Variants in CFAP61 observed in about 807,000 individuals in gnomAD.
CFAP61 encodes cilia and flagella associated protein 61, also known as cilia- and flagella-associated protein 61.
A neutral mutation model predicts 135.6 loss-of-function variants in CFAP61; 107 were observed. The ratio of observed to expected loss-of-function variants is 0.79; its 90% CI spans 0.67 to 0.93. The LOEUF (loss-of-function observed/expected upper bound fraction) is 0.93. Among genes scored for constraint, CFAP61 ranks in the 40% least tolerant of loss-of-function variants. The pLI is 0.00. For missense variants in CFAP61, 1,507 were observed against 1,556.2 expected (o/e 0.97, Z 0.53); for synonymous variants, 575 against 578.5 (o/e 0.99, Z 0.09).
chr20:20,152,316 A>C (rs559451585), intron 9 of CFAP61, among the ~76,000 whole-genome samples: 12 of 152,164 alleles, frequency 7.9e-5, no homozygotes, highest in Non-Finnish European at 1.6e-4. Flanking sequence ...GAAAAAAAAA[A>C]CACCAAAGTA....
At chr20:20,334,443 A>G (rs2058103674) in intron 25 of CFAP61, among the ~76,000 whole-genome samples, 1 of 152,212 alleles carries the variant, frequency 6.6e-6, no homozygotes, top group Non-Finnish European at 1.5e-5. Context: ...TTAGCCTCTG[A>G]ATTCCCAGGT....
intron 17 of CFAP61, among the ~76,000 whole-genome samples, chr20:20,217,500 T>C (rs2048114177): frequency 6.6e-6 from 1 of 152,202 alleles, no homozygotes; most frequent in South Asian, 2.1e-4. Context: ...GGTGGCAAGA[T>C]AGCAAGATTG....
chr20:20,248,030 C>T (rs2050603589), intron 19 of CFAP61, among the ~76,000 whole-genome samples: 1 of 152,054 alleles, frequency 6.6e-6, no homozygotes, highest in South Asian at 2.1e-4. Flanking sequence ...ATATAAACAC[C>T]ACAAGGGCGG....
chr20:20,322,818 A>T lies in CFAP61; in HGVS notation c.3423-19013A>T, dbSNP rs1373427282. The T allele has an allele frequency of 3.0e-6, 3 of 985,302 alleles. No homozygotes were observed. In the African/African-American group the frequency reaches 5.2e-5, roughly 17 times the overall value. The allele number at this position is 985,302 out of a possible 1,614,324, so 61.0% of individuals were successfully genotyped here. ...CTATCATGTTATTAATATGGTAGGA[A>T]AGTGTTTCATAGAAGACATTCATCT... On this transcript the variant is annotated intron_variant, in intron 25 of 26. Transcript: ENST00000245957.
intron 20 of CFAP61, chr20:20,258,427 G>A (rs1309976942): frequency 1.3e-5 from 2 of 152,124 alleles, no homozygotes; most frequent in Admixed American, 1.3e-4. Flanking sequence ...TCGTTCCTTG[G>A]AGTCCCACTG....
chr20:20,122,301 G>T (rs544586398), intron 8 of CFAP61, among the ~76,000 whole-genome samples: 1 of 152,084 alleles, frequency 6.6e-6, no homozygotes, highest in Non-Finnish European at 1.5e-5. Context: ...GACTACAGGG[G>T]TGCACCACCA....
rs570043486 is a variant in CFAP61 at position 20,284,566 on chromosome 20, T to A, written c.2797-4043T>A. ...TCCCAAAGTGTTGGGATTACAGGCATGAGCCACCGCGCCCGGCCTTCAATT... is the reference window on the plus strand; with the variant it reads ...TCCCAAAGTGTTGGGATTACAGGCAAGAGCCACCGCGCCCGGCCTTCAATT... On this transcript the variant is annotated intron_variant, in intron 22 of 26. Transcript: ENST00000245957. Among the ~76,000 whole-genome samples, 3 of 152,338 alleles carry A rather than the reference T, an allele frequency of 2.0e-5. No individual in the cohort carries two copies. The East Asian group carries it at 5.8e-4, about 29-fold the overall frequency.
chr20:20,144,131 A>G (rs1437356048), intron 9 of CFAP61, among the ~76,000 whole-genome samples: 1 of 152,226 alleles, frequency 6.6e-6, no homozygotes, highest in East Asian at 1.9e-4. Flanking sequence ...AACAAAGTAC[A>G]AGACTATCTG....
chr20:20,337,218 A>C (rs1304632662), intron 25 of CFAP61, among the ~76,000 whole-genome samples: 36 of 152,208 alleles, frequency 2.4e-4, no homozygotes, highest in Admixed American at 2.4e-3. Context: ...GGAAGGCCTC[A>C]CTAGACCTGT....
intron 8 of CFAP61, among the ~76,000 whole-genome samples, chr20:20,109,269 T>G (rs912496836): frequency 5.9e-5 from 9 of 152,160 alleles, no homozygotes; most frequent in African/African-American, 2.2e-4. Context: ...CTTATCCCAG[T>G]CTGTGCAGAA....
chr20:20,297,813 A>G (rs1032032442), intron 24 of CFAP61, among the ~76,000 whole-genome samples: 1 of 152,224 alleles, frequency 6.6e-6, no homozygotes, highest in African/African-American at 2.4e-5. Flanking sequence ...TTTTCTCAAA[A>G]CGATGCTGTG....
At chr20:20,175,700 T>A (rs979013754) in intron 13 of CFAP61, among the ~76,000 whole-genome samples, 12 of 151,848 alleles carry the variant, frequency 7.9e-5, no homozygotes, top group Non-Finnish European at 1.6e-4. Context: ...CTAAATTTTT[T>A]TTTTTTATTT....
At chr20:20,178,873 T>C (rs1254086630) in intron 13 of CFAP61, among the ~76,000 whole-genome samples, 1 of 152,198 alleles carries the variant, frequency 6.6e-6, no homozygotes, top group Non-Finnish European at 1.5e-5. Flanking sequence ...GGTTTTATTT[T>C]CTTTCTTTAT....
intron 25 of CFAP61, chr20:20,323,278 G>A (rs2057606084): frequency 1.0e-6 from 1 of 985,324 alleles, no homozygotes. Context: ...TCTAAAAAAG[G>A]ACAACAAACA....
intron 25 of CFAP61, among the ~76,000 whole-genome samples, chr20:20,300,607 GT>G (rs760598213): frequency 6.6e-4 from 96 of 145,710 alleles, no homozygotes; most frequent in East Asian, 3.0e-3. Flanking sequence ...TGTTTTTTTT[GT>G]TTTTTTTTTT....
intron 13 of CFAP61, among the ~76,000 whole-genome samples, chr20:20,170,111 T>A (rs1422279857): frequency 1.3e-5 from 2 of 152,200 alleles, no homozygotes; most frequent in Non-Finnish European, 2.9e-5. Flanking sequence ...CCTGGGCATG[T>A]GGTACTGAGC....
In CFAP61 at chr20:20,346,514, G is replaced by A. The variant is rs573627066; in HGVS notation, c.3513+4593G>A. On this transcript the variant is annotated intron_variant, in intron 26 of 26. Transcript: ENST00000245957. ...GCCTGGGCGACAAGAGCAAAACTCCGTCTCAAAAAAAAAAAAAAAAATCTT... is the reference window on the plus strand; with the variant it reads ...GCCTGGGCGACAAGAGCAAAACTCCATCTCAAAAAAAAAAAAAAAAATCTT... Among the ~76,000 whole-genome samples the A allele has an allele frequency of 7.2e-4, 21 of 29,180 alleles. 1 individual carries two copies. The South Asian group carries it at 0.041, about 57-fold the overall frequency. 19.1% of individuals were successfully genotyped at this position (29,180 alleles called of 152,430 possible).
chr20:20,357,332 C>G (rs1461452184), intron 26 of CFAP61, among the ~76,000 whole-genome samples: 22 of 28,518 alleles, frequency 7.7e-4, no homozygotes, highest in Non-Finnish European at 6.9e-4. Flanking sequence ...GGTGGTCATA[C>G]TGTGAGGGGA....
intron 22 of CFAP61, among the ~76,000 whole-genome samples, chr20:20,279,266 C>T (rs1349061102): frequency 6.6e-6 from 1 of 152,162 alleles, no homozygotes; most frequent in African/African-American, 2.4e-5. Context: ...AGCAACCCTC[C>T]TCACAAAGTT....
Sources: gnomAD v4.1 joint callset for allele counts (sites outside exome capture counted in the v4.1 genomes callset) on GRCh38, gnomAD v4.1.1 for gene constraint, MANE v1.5 for transcripts, NCBI Gene and HGNC (gene_info 2026-07-23, HGNC 2026-07-21) for gene names.